ROBO2: variants seen among roughly 807,000 people sequenced by gnomAD.
The protein encoded by ROBO2 is roundabout guidance receptor 2.
Under a neutral mutation model 160.8 loss-of-function variants are expected in ROBO2, and 53 were observed. The observed-to-expected ratio is 0.33, with a 90% CI of 0.26 to 0.41. The LOEUF is 0.41. Ranked by LOEUF, ROBO2 falls within the 10% of genes least tolerant of loss-of-function variation. The pLI is 1.00. For synonymous variants in ROBO2, 664 were observed against 611.7 expected (o/e 1.09, Z -1.26); for missense variants, 1,577 against 1,722.4 (o/e 0.92, Z 1.49).
At chr3:77,027,784 G>A (rs745849986) in intron 2 of ROBO2, among the ~76,000 whole-genome samples, 18 of 152,148 alleles carry the variant, frequency 1.2e-4, no homozygotes, top group Middle Eastern at 3.2e-3. Flanking sequence ...AAGTGTGTGC[G>A]TGTGTGCCAG....
chr3:77,013,371 G>A (rs1326184073), intron 2 of ROBO2, among the ~76,000 whole-genome samples: 4 of 152,000 alleles, frequency 2.6e-5, no homozygotes, highest in African/African-American at 9.7e-5. Context: ...CATGATTTTG[G>A]AGTGAAATAC....
chr3:77,617,785 C>A lies in ROBO2; in HGVS notation c.3554+12C>A, dbSNP rs1232100933. 8 of 1,611,550 alleles carry A rather than the reference C, an allele frequency of 5.0e-6. No homozygotes were observed. Among genetic ancestry groups the A allele is most frequent in the Non-Finnish European group, 6.8e-6 (8 of 1,179,910 alleles). On this transcript the variant is annotated intron_variant, in intron 22 of 25. Transcript: ENST00000461745. ...GCAAAACAAACATGGTAAATATCTT[C>A]ATTAAGTCAAGAGACCCATGCTTTC...
intron 1 of ROBO2, among the ~76,000 whole-genome samples, chr3:77,042,270 C>T (rs2064177170): frequency 1.3e-5 from 2 of 152,142 alleles, no homozygotes; most frequent in East Asian, 1.9e-4. Flanking sequence ...AATTATTTTT[C>T]ATGCATTTAT....
intron 20 of ROBO2, chr3:77,603,169 T>A: frequency 2.3e-6 from 1 of 428,572 alleles, no homozygotes; most frequent in African/African-American, 2.0e-5. Context: ...CAGGCATTTA[T>A]CTGTCAAATG....
chr3:76,434,741 C>G, intron 2 of ROBO2: 1 of 1,122,148 alleles, frequency 8.9e-7, no homozygotes. Context: ...CCAGTTGAGG[C>G]TCAGATGAGT....
At chr3:77,635,311 A>G (rs931241344) in intron 24 of ROBO2, among the ~76,000 whole-genome samples, 9 of 151,716 alleles carry the variant, frequency 5.9e-5, no homozygotes, top group Non-Finnish European at 1.2e-4. Flanking sequence ...TATTTCATAA[A>G]TGCTTTTTAG....
At chr3:77,179,547 A>C (rs1392779478) in intron 2 of ROBO2, among the ~76,000 whole-genome samples, 3 of 152,076 alleles carry the variant, frequency 2.0e-5, no homozygotes, top group Non-Finnish European at 4.4e-5. Context: ...ATCAAATGTA[A>C]GAGGCAAGAA....
chr3:77,551,048 C>T (rs781771502), intron 8 of ROBO2, 59 bp downstream of exon 9: 115 of 1,558,270 alleles, frequency 7.4e-5, no homozygotes, highest in African/African-American at 4.8e-4. Context: ...TCTAGATACA[C>T]GTTAACCATG....
chr3:76,743,317 A>C (rs1375963), intron 2 of ROBO2, among the ~76,000 whole-genome samples: 2 of 151,790 alleles, frequency 1.3e-5, no homozygotes, highest in South Asian at 4.1e-4. Flanking sequence ...AGAGAAAATA[A>C]TGGAATAAAA....
chr3:77,232,461 C>A (rs1250434801), intron 2 of ROBO2, among the ~76,000 whole-genome samples: 1 of 151,888 alleles, frequency 6.6e-6, no homozygotes, highest in African/African-American at 2.4e-5. Context: ...AAAATGGATT[C>A]TTTGATTTGT....
At chr3:76,268,646 C>A (rs1242471618) in intron 2 of ROBO2, among the ~76,000 whole-genome samples, 1 of 152,072 alleles carries the variant, frequency 6.6e-6, no homozygotes, top group African/African-American at 2.4e-5. Flanking sequence ...ACCTTAATTA[C>A]CTTCAAATAA....
intron 2 of ROBO2, among the ~76,000 whole-genome samples, chr3:76,593,675 A>T (rs2095155159): frequency 6.6e-6 from 1 of 152,036 alleles, no homozygotes; most frequent in South Asian, 2.1e-4. Flanking sequence ...ATATTTTTTC[A>T]GAAACACTAG....
intron 2 of ROBO2, among the ~76,000 whole-genome samples, chr3:76,643,295 TA>T (rs2109747860): frequency 6.6e-6 from 1 of 152,292 alleles, no homozygotes; most frequent in Admixed American, 6.5e-5. Context: ...CTTAATAAAT[TA>T]AAAACTAGAT....
chr3:76,430,549 A>G (rs2076395822), intron 2 of ROBO2, among the ~76,000 whole-genome samples: 3 of 152,110 alleles, frequency 2.0e-5, no homozygotes, highest in Admixed American at 1.3e-4. Context: ...CCATATCAAT[A>G]GGTGCTAAAT....
intron 2 of ROBO2, among the ~76,000 whole-genome samples, chr3:77,195,228 A>G (rs562282146): frequency 2.0e-5 from 3 of 152,248 alleles, no homozygotes; most frequent in Admixed American, 6.6e-5. Flanking sequence ...GCATCTTTTT[A>G]TATTATATCT....
intron 2 of ROBO2, among the ~76,000 whole-genome samples, chr3:76,061,206 C>T (rs1427952776): frequency 6.6e-6 from 1 of 152,046 alleles, no homozygotes; most frequent in African/African-American, 2.4e-5. Context: ...TTCCTAAAAC[C>T]AATTTTAGAG....
At chr3:76,220,156 A>G (rs1036665435) in intron 2 of ROBO2, among the ~76,000 whole-genome samples, 7 of 129,220 alleles carry the variant, frequency 5.4e-5, no homozygotes, top group Non-Finnish European at 9.5e-5. Flanking sequence ...GAAGGGGAAC[A>G]TCACACACTG....
At chr3:77,401,036 G>GT (rs2075751297) in intron 2 of ROBO2, among the ~76,000 whole-genome samples, 1 of 151,968 alleles carries the variant, frequency 6.6e-6, no homozygotes, top group Non-Finnish European at 1.5e-5. Context: ...TTTCCGGATT[G>GT]TTTCCACGAT....
intron 2 of ROBO2, among the ~76,000 whole-genome samples, chr3:77,454,907 AG>A (rs2081467610): frequency 6.6e-6 from 1 of 152,198 alleles, no homozygotes; most frequent in South Asian, 2.1e-4. Context: ...TTTTTCTTAT[AG>A]TGAACACATT....
Sources: allele counts gnomAD v4.1 joint callset (sites outside exome capture counted in the v4.1 genomes callset), GRCh38; gene constraint gnomAD v4.1.1; transcripts MANE v1.5; gene names NCBI Gene and HGNC (gene_info 2026-07-23, HGNC 2026-07-21).